The following ZNF846 variants were observed in gnomAD, a reference collection of about 807,000 sequenced individuals.
The protein encoded by ZNF846 is zinc finger protein 420 pseudogene.
In ZNF846, 15 loss-of-function variants were observed where a neutral mutation model predicts 16.0. The observed-to-expected ratio is 0.94, with a 90% confidence interval of 0.63 to 1.45. ZNF846 has a LOEUF of 1.45. Among genes scored for constraint, ZNF846 ranks in the 40% most tolerant of loss-of-function variants. The pLI is 0.00. For missense variants in ZNF846, 714 were observed against 622.3 expected, an observed-to-expected ratio of 1.15 and a Z score of -1.57; for synonymous variants, 229 against 212.0, an observed-to-expected ratio of 1.08 and a Z score of -0.70.
chr19:9,769,964 G>A (rs2045374637), upstream of ZNF846, among the ~76,000 whole-genome samples: 1 of 146,844 alleles, frequency 6.8e-6, no homozygotes, highest in South Asian at 2.1e-4. Context: ...CTGGGCGACA[G>A]AGTGAGACTC....
At chr19:9,752,444 C>CAAAA in intron 5 of ZNF846, 1 of 350,494 alleles carries the variant, frequency 2.9e-6, no homozygotes, top group South Asian at 2.1e-5. Flanking sequence ...TTCGTCTCTA[C>CAAAA]AAAAAAAAAA....
upstream of ZNF846, among the ~76,000 whole-genome samples, chr19:9,769,587 C>T (rs2045371161): frequency 2.0e-5 from 3 of 151,622 alleles, no homozygotes; most frequent in Non-Finnish European, 4.4e-5. Flanking sequence ...GGGATATAAA[C>T]ATATTTACAA....
intron 1 of ZNF846, among the ~76,000 whole-genome samples, chr19:9,765,292 T>A (rs2045297012): frequency 6.6e-6 from 1 of 152,062 alleles, no homozygotes; most frequent in South Asian, 2.1e-4. Flanking sequence ...GGGGAATCAC[T>A]TGAACCTGGG....
chr19:9,750,971 T>C (rs1315325929), downstream of ZNF846, among the ~76,000 whole-genome samples: 7 of 152,056 alleles, frequency 4.6e-5, no homozygotes, highest in Non-Finnish European at 7.3e-5. Flanking sequence ...TGGTATATGA[T>C]GACGTCAAAA....
In ZNF846 at chr19:9,781,632, G is replaced by T. The variant is rs1217470931; in HGVS notation, c.-86+4306C>A. Among the ~76,000 whole-genome samples, 4 of 151,668 alleles carry T rather than the reference G, an allele frequency of 2.6e-5. No homozygotes were observed. In the East Asian group the frequency reaches 7.7e-4, roughly 29 times the overall value. On this transcript the variant is annotated intron_variant, in intron 1 of 4. Transcript: ENST00000586814. ...AAACAGTCTTCTGAAAGACTGTCTT[G>T]ATATAAAATCCCAGATCCCACAAAA...
downstream of ZNF846, among the ~76,000 whole-genome samples, chr19:9,751,396 T>C (rs575711007): frequency 6.6e-6 from 1 of 152,172 alleles, no homozygotes; most frequent in Non-Finnish European, 1.5e-5. Context: ...TATTTTTATT[T>C]CTTATTAACA....
At chr19:9,773,032 G>C (rs1040553662), upstream of ZNF846, among the ~76,000 whole-genome samples, 1 of 152,108 alleles carries the variant, frequency 6.6e-6, no homozygotes, top group Non-Finnish European at 1.5e-5. Flanking sequence ...CTGCACTCTA[G>C]CCTGGGTGAT....
chr19:9,763,358 C>A (rs373040265), exon 3 of ZNF846: 4 of 1,611,540 alleles, frequency 2.5e-6, no homozygotes, highest in Non-Finnish European at 3.4e-6. Flanking sequence ...CCAACAAAGT[C>A]CACTCCTCCT....
intron 1 of ZNF846, among the ~76,000 whole-genome samples, chr19:9,784,381 A>T (rs2045536910): frequency 6.6e-6 from 1 of 152,210 alleles, no homozygotes; most frequent in African/African-American, 2.4e-5. Context: ...CTGGATGTGC[A>T]TGTAGGCCAG....
rs1463439462 is a variant in ZNF846 at position 9,757,699 on chromosome 19, CA to C, written c.1377del (p.Phe459LeufsTer67). 2 of 1,612,984 alleles carry C rather than the reference CA, an allele frequency of 1.2e-6. No homozygotes were observed. The highest frequency in any genetic ancestry group is 1.7e-6 in the Non-Finnish European group (2 of 1,179,712). On this transcript the variant is annotated frameshift_variant, in exon 6 of 6. Transcript: ENST00000397902. LOFTEE classifies it low-confidence loss of function (END_TRUNC). ...TGCATATTAAGATTTGTGGAACGAG[CA>C]AATGCTTTACCGCATTCCTTACATT... is the stretch of plus-strand genomic sequence containing the variant.
downstream of ZNF846, among the ~76,000 whole-genome samples, chr19:9,754,563 T>TCAAAAAAAAAAAAAAAAAAAAAAAAAA (rs776769152): frequency 1.6e-4 from 13 of 83,772 alleles, no homozygotes; most frequent in African/African-American, 7.1e-4. Flanking sequence ...AGACTCTGTC[T>TCAAAAAAAAAAAAAAAAAAAAAAAAAA]TAAAAAAAAA....
intron 1 of ZNF846, among the ~76,000 whole-genome samples, chr19:9,780,257 T>C (rs2145317252): frequency 1.3e-5 from 2 of 151,742 alleles, no homozygotes; most frequent in South Asian, 4.2e-4. Flanking sequence ...GGAGTGGTCA[T>C]TCACAGGCAT....
chr19:9,765,018 T>C, exon 2 of ZNF846: 1 of 1,573,858 alleles, frequency 6.4e-7, no homozygotes, highest in East Asian at 2.2e-5. Context: ...AGACAGAAAG[T>C]GTCCTGGAAA....
At chr19:9,779,869 G>A (rs79821546) in intron 1 of ZNF846, among the ~76,000 whole-genome samples, 2,435 of 150,690 alleles carry the variant, frequency 0.016, 67 homozygotes, top group African/African-American at 0.056. Context: ...CACCACGCCC[G>A]GCCATCACGA....
downstream of ZNF846, chr19:9,755,407 CA>C (rs759434987): frequency 1.3e-5 from 2 of 151,478 alleles, no homozygotes; most frequent in Non-Finnish European, 2.9e-5. Context: ...ATCTTGTGTA[CA>C]GTAACAGTAG....
rs1168501586 is a variant in ZNF846, at chr19:9,777,080, T to C, written c.-86+8858A>G. On this transcript the variant is annotated intron_variant, in intron 1 of 4. Transcript: ENST00000586814. ...CTAAAAAATCTGCTTGTTTGGACTA[T>C]GTTTAAAACAATTGATTCAGGATCA... Among the ~76,000 whole-genome samples the C allele has an allele frequency of 2.6e-5, 4 of 151,536 alleles. No individual in the cohort carries two copies. The East Asian group carries it at 7.7e-4, about 29-fold the overall frequency.
intron 1 of ZNF846, among the ~76,000 whole-genome samples, chr19:9,775,288 T>G (rs972945203): frequency 6.6e-6 from 1 of 151,872 alleles, no homozygotes; most frequent in African/African-American, 2.4e-5. Flanking sequence ...AAAGTTCACA[T>G]GGGAGCACAA....
chr19:9,769,161 T>G (rs1390675604), upstream of ZNF846, among the ~76,000 whole-genome samples: 5 of 152,168 alleles, frequency 3.3e-5, no homozygotes, highest in Non-Finnish European at 7.3e-5. Context: ...CATAGATCAT[T>G]GCAGCCTGGA....
chr19:9,777,647 G>T (rs549738907), intron 1 of ZNF846, among the ~76,000 whole-genome samples: 25 of 145,468 alleles, frequency 1.7e-4, no homozygotes, highest in African/African-American at 5.7e-4. Context: ...TTCCAGCCTG[G>T]CAACAAAGTG....
Sources: allele counts gnomAD v4.1 joint callset (sites outside exome capture counted in the v4.1 genomes callset), GRCh38; gene constraint gnomAD v4.1.1; transcripts MANE v1.5; gene names NCBI Gene and HGNC (gene_info 2026-07-23, HGNC 2026-07-21).